SNRNP200: variants seen among roughly 807,000 people sequenced by gnomAD.
SNRNP200 encodes the protein U5 small nuclear ribonucleoprotein 200 kDa helicase.
A neutral mutation model predicts 255.2 loss-of-function variants in SNRNP200; 66 were observed. The observed-to-expected ratio is 0.26, with a 90% CI of 0.21 to 0.32. The LOEUF (loss-of-function observed/expected upper bound fraction) is 0.32, where lower values mean the gene tolerates loss of function less well. SNRNP200 is among the 10% of genes least tolerant of loss of function. The pLI, the probability that SNRNP200 is intolerant of heterozygous loss-of-function variation, is 1.00. For missense variants in SNRNP200, 1,585 were observed against 2,749.8 expected (o/e 0.58, Z 9.47); for synonymous variants, 939 against 1,027.8 (o/e 0.91, Z 1.65).
chr2:96,296,118 G>A (rs778764229), intron 13 of SNRNP200, among the ~76,000 whole-genome samples: 2 of 152,012 alleles, frequency 1.3e-5, no homozygotes, highest in African/African-American at 2.4e-5. Flanking sequence ...GGGCGACAGC[G>A]AGACCCTGTC....
chr2:96,284,030 C>A (rs776640372), intron 31 of SNRNP200, 26 bp from the exon 32 acceptor site: 44 of 1,549,402 alleles, frequency 2.8e-5, no homozygotes, highest in African/African-American at 5.5e-5. Context: ...GAGGGAGGGT[C>A]ACTGCAGGCC....
At chr2:96,297,116 G>A (rs748954882) in intron 11 of SNRNP200, 46 bp from the exon 12 acceptor site, 1 of 1,613,758 alleles carries the variant, frequency 6.2e-7, no homozygotes, top group Non-Finnish European at 8.5e-7. Flanking sequence ...CAGCATCCTT[G>A]AGCAAAACGT....
chr2:96,277,645 G>A lies in SNRNP200; in HGVS notation c.5825C>T (p.Ala1942Val). The A allele has an allele frequency of 6.2e-7, 1 of 1,614,206 alleles. No individual in the cohort carries two copies. Residue 1942 changes from alanine (A) to valine (V), a missense_variant, in exon 41 of 45, where the codon GCT (alanine) becomes GTT (valine). Ala to Val is a moderately conservative substitution (Grantham distance 64). Transcript: ENST00000323853. The surrounding 1 kb of genome is among the most constrained non-coding windows in gnomAD (Gnocchi z 4.4). Reference sequence around the variant, plus strand: ...GGTGACCATCTGGGCCAGTTCCATAGCTGCCAGAGCAGGGCTGAGCCACCC... The same window carrying A: ...GGTGACCATCTGGGCCAGTTCCATAACTGCCAGAGCAGGGCTGAGCCACCC... Reference protein sequence around the residue: ...SNGWLSPALAAMELAQMVTQA... With the variant: ...SNGWLSPALAVMELAQMVTQA...
At chr2:96,289,522 G>A in intron 21 of SNRNP200, 143 bp from the exon 22 acceptor site, 3 of 914,708 alleles carry the variant, frequency 3.3e-6, no homozygotes, top group Non-Finnish European at 5.2e-6. Context: ...TGTCCTAATA[G>A]GACAACTGGA....
intron 15 of SNRNP200, 66 bp downstream of exon 15, chr2:96,293,250 C>T: frequency 5.7e-6 from 9 of 1,585,372 alleles, no homozygotes; most frequent in Non-Finnish European, 7.8e-6. Flanking sequence ...AGTAGCACTC[C>T]TTGGAAAAGA....
In SNRNP200 at chr2:96,278,070, T is replaced by C. The variant is rs969708719; in HGVS notation, c.5611-120A>G. The C allele has an allele frequency of 7.2e-6, 11 of 1,534,170 alleles. No homozygotes were observed. Among genetic ancestry groups the C allele is most frequent in the Non-Finnish European group, 9.0e-6 (10 of 1,110,248 alleles). ...CCTTCAACACCCTGAGGCATGTGGGTGGTAATGGGATGGAGATGGGTTTGA... is the reference window on the plus strand; with the variant it reads ...CCTTCAACACCCTGAGGCATGTGGGCGGTAATGGGATGGAGATGGGTTTGA... On this transcript the variant is annotated intron_variant, in intron 39 of 44. Coordinates refer to ENST00000323853, the MANE Select transcript of SNRNP200 (RefSeq NM_014014.5). This position sits in a 1 kb window ranked among gnomAD's most constrained non-coding sequence, Gnocchi z 6.9.
At chr2:96,276,081 CG>C (rs1466022213) in intron 43 of SNRNP200, among the ~76,000 whole-genome samples, 3 of 152,376 alleles carry the variant, frequency 2.0e-5, no homozygotes, top group African/African-American at 7.2e-5. Context: ...GCCCTGTCTA[CG>C]GGCTGCCCCG....
intron 2 of SNRNP200, 138 bp downstream of exon 2, chr2:96,304,567 C>T (rs2063975042): frequency 1.7e-6 from 2 of 1,189,434 alleles, no homozygotes; most frequent in African/African-American, 1.5e-5. Context: ...TTAAACTCTC[C>T]TGGTCTGTTT....
In SNRNP200 at chr2:96,295,596, T is replaced by G. The variant is rs199985246; in HGVS notation, c.1734A>C (p.Glu578Asp). 7.2e-5 allele frequency: 117 copies of G among 1,613,958 alleles called. No individual in the cohort carries two copies. Among genetic ancestry groups the G allele is most frequent in the Non-Finnish European group, 9.6e-5 (113 of 1,180,014 alleles). The stretch of plus-strand genomic sequence containing the variant: ...CGATGATCTGAGTGGCACTGATCTC[T>G]TCTTTGCACAGCTGGTGGTCCCCAG... ...ELTGDHQLCK[E>D]EISATQIIVC... is the part of the protein sequence containing the mutation. Residue 578 changes from glutamate to aspartate, a missense_variant, in exon 14 of 45, where the codon GAA becomes GAC. Glu to Asp is a conservative substitution (Grantham distance 45, BLOSUM62 2). This residue lies in a region of SNRNP200 where 56 missense variants were observed against 77.4 expected (regional missense o/e 0.72). Coordinates refer to ENST00000323853, the MANE Select transcript of SNRNP200 (RefSeq NM_014014.5).
chr2:96,296,868 A>C (rs1558770460), intron 12 of SNRNP200, 65 bp downstream of exon 12: 2 of 1,609,922 alleles, frequency 1.2e-6, no homozygotes, highest in Non-Finnish European at 1.7e-6. Context: ...GAAATAAAAA[A>C]CAATCTTGCA....
chr2:96,289,812 GTCT>G lies in SNRNP200; in HGVS notation c.2924_2926del (p.Lys975del), dbSNP rs753495906. ...CACCCCACGCACCTGGAAGTTGCCC[GTCT>G]TCTTGTCGTACTTGACCAGATTGTT... is the stretch of plus-strand genomic sequence containing the variant. On this transcript the variant is annotated inframe_deletion, in exon 21 of 45. Transcript: ENST00000323853. The G allele has an allele frequency of 6.2e-7, 1 of 1,614,080 alleles. No individual in the cohort carries two copies. Among genetic ancestry groups the G allele is most frequent in the South Asian group, 1.1e-5 (1 of 91,080 alleles).
rs768081733 is a variant in SNRNP200 at position 96,283,796 on chromosome 2, A to G, written c.4584+17T>C. The G allele has an allele frequency of 2.0e-5, 33 of 1,613,736 alleles. 1 individual carries two copies. The South Asian group carries it at 3.6e-4, about 18-fold the overall frequency. On this transcript the variant is annotated intron_variant, in intron 32 of 44. Coordinates refer to ENST00000323853, the MANE Select transcript of SNRNP200 (RefSeq NM_014014.5). This position sits in a 1 kb window ranked among gnomAD's most constrained non-coding sequence, Gnocchi z 4.7. ...CTATGTGACACCCCACAGACGGATG[A>G]GGAGAGTGGGTCCTACCTGGATGTG...
At chr2:96,299,556 A>G in intron 5 of SNRNP200, 129 bp from the exon 6 acceptor site, 1 of 773,678 alleles carries the variant, frequency 1.3e-6, no homozygotes. Flanking sequence ...CCGAGAGCCT[A>G]TTGGAACCAA....
chr2:96,284,020 G>A lies in SNRNP200; in HGVS notation c.4393-16C>T. 4.3e-6 allele frequency: 6 copies of A among 1,399,354 alleles called. No homozygotes were observed. Among genetic ancestry groups the A allele is most frequent in the Non-Finnish European group, 5.0e-6 (5 of 1,004,794 alleles). The allele number at this position is 1,399,354 out of a possible 1,614,324, so 86.7% of individuals were successfully genotyped here. On this transcript the variant is annotated splice_polypyrimidine_tract_variant and intron_variant, in intron 31 of 44. Transcript: ENST00000323853. ...CTAAGACAGGCTGGAAAGAGGGAGG[G>A]AGGGAGGGTCACTGCAGGCCAAGGC...
rs944433609 is a variant in SNRNP200, at chr2:96,287,564, A to G, written c.3366-7T>C. ...AGGACACATGGACTGCCACCTATCC[A>G]GGAAGGAGGCAAAGCTGTTGGTCCC... On this transcript the variant is annotated splice_region_variant and splice_polypyrimidine_tract_variant and intron_variant, in intron 25 of 44. Transcript: ENST00000323853. The surrounding 1 kb of genome is among the most constrained non-coding windows in gnomAD (Gnocchi z 5.7). The G allele has an allele frequency of 6.2e-7, 1 of 1,602,058 alleles. No homozygotes were observed. Among genetic ancestry groups the G allele is most frequent in the Non-Finnish European group, 8.6e-7 (1 of 1,169,020 alleles).
At chr2:96,301,443 A>T in intron 4 of SNRNP200, 81 bp downstream of exon 4, 1 of 1,433,252 alleles carries the variant, frequency 7.0e-7, no homozygotes, top group Non-Finnish European at 9.8e-7. Context: ...TAAGGTTTTT[A>T]AATGAATGAT....
At chr2:96,285,451 G>T in intron 29 of SNRNP200, 111 bp from the exon 30 acceptor site, 2 of 1,248,040 alleles carry the variant, frequency 1.6e-6, no homozygotes, top group East Asian at 2.4e-5. Flanking sequence ...AAGTCAGGCA[G>T]TTCTGGAGTG....
intron 31 of SNRNP200, 36 bp from the exon 32 acceptor site, chr2:96,284,040 C>T: frequency 6.5e-7 from 1 of 1,545,764 alleles, no homozygotes; most frequent in Non-Finnish European, 8.8e-7. Flanking sequence ...CACTGCAGGC[C>T]AAGGCTCCCA....
chr2:96,275,892 G>A lies in SNRNP200; in HGVS notation c.6175-543C>T, dbSNP rs10179191. 4.2e-3 allele frequency among the ~76,000 whole-genome samples: 641 copies of A among 152,358 alleles called. 6 individuals carry two copies. The highest frequency in any genetic ancestry group is 0.015 in the African/African-American group (609 of 41,584). On this transcript the variant is annotated intron_variant, in intron 43 of 44. Transcript: ENST00000323853. Reference sequence around the variant, plus strand: ...ATGGTGGCGGGTGCCTGTAGTCCCAGCTACTCGGGAGGCTGAGGCAGGAGG... The same window carrying A: ...ATGGTGGCGGGTGCCTGTAGTCCCAACTACTCGGGAGGCTGAGGCAGGAGG...
Sources: gnomAD v4.1 joint callset for allele counts (sites outside exome capture counted in the v4.1 genomes callset) on GRCh38, gnomAD v4.1.1 for gene constraint, gnomAD v4.1.1 regional missense constraint, Gnocchi (gnomAD v3.1) non-coding constraint, MANE v1.5 for transcripts, NCBI Gene and HGNC (gene_info 2026-07-23, HGNC 2026-07-21) for gene names.